GALNTL6: variants seen among roughly 807,000 people sequenced by gnomAD.
GALNTL6 encodes polypeptide N-acetylgalactosaminyltransferase like 6, also known as polypeptide N-acetylgalactosaminyltransferase-like 6.
A neutral mutation model predicts 73.7 loss-of-function variants in GALNTL6; 46 were observed. That is an observed-to-expected ratio of 0.62 (90% CI 0.49 to 0.80). The LOEUF is 0.80. Ranked by LOEUF, GALNTL6 falls within the 30% of genes least tolerant of loss-of-function variation. The pLI is 0.00. For synonymous variants in GALNTL6, 259 were observed against 263.7 expected (o/e 0.98, Z 0.17); for missense variants, 604 against 755.0 (o/e 0.80, Z 2.34).
At chr4:172,224,774 C>A (rs1245133106) in intron 2 of GALNTL6, among the ~76,000 whole-genome samples, 1 of 152,092 alleles carries the variant, frequency 6.6e-6, no homozygotes, top group Non-Finnish European at 1.5e-5. Context: ...GTGTCACATC[C>A]CTGACTCCAA....
At chr4:172,337,261 C>G (rs1281865107) in intron 4 of GALNTL6, among the ~76,000 whole-genome samples, 1 of 151,892 alleles carries the variant, frequency 6.6e-6, no homozygotes. Context: ...GACCATGTAC[C>G]TTCAAGGTTA....
intron 8 of GALNTL6, among the ~76,000 whole-genome samples, chr4:172,917,504 C>G (rs1448447025): frequency 6.6e-6 from 1 of 152,052 alleles, no homozygotes; most frequent in Non-Finnish European, 1.5e-5. Flanking sequence ...ACTCATCTGA[C>G]AAAGGGTTAA....
At chr4:172,736,888 G>A (rs1736500658) in intron 5 of GALNTL6, among the ~76,000 whole-genome samples, 1 of 152,092 alleles carries the variant, frequency 6.6e-6, no homozygotes, top group African/African-American at 2.4e-5. Context: ...ATATCTGATG[G>A]TTTTATAAAG....
intron 5 of GALNTL6, among the ~76,000 whole-genome samples, chr4:172,548,377 A>G (rs753844926): frequency 1.4e-4 from 21 of 152,200 alleles, no homozygotes; most frequent in Non-Finnish European, 2.8e-4. Context: ...ATTAGGGGAC[A>G]AGTCACTTGT....
chr4:172,048,887 T>G (rs1742291199), intron 2 of GALNTL6, among the ~76,000 whole-genome samples: 1 of 152,156 alleles, frequency 6.6e-6, no homozygotes. Flanking sequence ...GGCTGGAAAT[T>G]TGTATGCTTA....
chr4:172,542,788 A>T (rs1735610844), intron 5 of GALNTL6, among the ~76,000 whole-genome samples: 1 of 152,110 alleles, frequency 6.6e-6, no homozygotes, highest in South Asian at 2.1e-4. Context: ...TTTTCCACAA[A>T]GGTAGAAAGA....
intron 3 of GALNTL6, among the ~76,000 whole-genome samples, chr4:172,240,481 T>TTGGC (rs1417491291): frequency 8.7e-4 from 133 of 152,208 alleles, no homozygotes; most frequent in Non-Finnish European, 1.5e-3. Flanking sequence ...TCCACCCACC[T>TTGGC]CAACATCCCA....
chr4:172,421,498 G>A (rs1731051772), intron 5 of GALNTL6, among the ~76,000 whole-genome samples: 2 of 150,988 alleles, frequency 1.3e-5, no homozygotes, highest in South Asian at 2.1e-4. Flanking sequence ...GAAAAATAAG[G>A]GAGATAAAAT....
intron 7 of GALNTL6, among the ~76,000 whole-genome samples, chr4:172,837,861 A>G (rs1742995822): frequency 6.6e-6 from 1 of 152,232 alleles, no homozygotes; most frequent in South Asian, 2.1e-4. Flanking sequence ...AACTCATAAT[A>G]ATAAAAAGCA....
chr4:171,957,546 A>G (rs1739087208), intron 2 of GALNTL6, among the ~76,000 whole-genome samples: 1 of 152,228 alleles, frequency 6.6e-6, no homozygotes. Context: ...AAATGCGTGG[A>G]GGAACAGTAT....
At chr4:172,671,415 T>C (rs1490881275) in intron 5 of GALNTL6, among the ~76,000 whole-genome samples, 2 of 152,120 alleles carry the variant, frequency 1.3e-5, no homozygotes, top group Non-Finnish European at 2.9e-5. Flanking sequence ...TGTGTGTTTG[T>C]GTGGCAACTG....
chr4:172,492,290 A>G (rs1733924966), intron 5 of GALNTL6, among the ~76,000 whole-genome samples: 1 of 152,166 alleles, frequency 6.6e-6, no homozygotes, highest in South Asian at 2.1e-4. Flanking sequence ...TGTTCAATAA[A>G]ACCAATGAGA....
intron 5 of GALNTL6, among the ~76,000 whole-genome samples, chr4:172,465,076 C>T (rs1228377780): frequency 6.6e-6 from 1 of 152,166 alleles, no homozygotes; most frequent in Non-Finnish European, 1.5e-5. Context: ...ATGATTAATG[C>T]AATCTTTGAC....
intron 2 of GALNTL6, among the ~76,000 whole-genome samples, chr4:171,960,535 C>T (rs1031647779): frequency 1.3e-5 from 2 of 152,012 alleles, no homozygotes; most frequent in Admixed American, 6.6e-5. Context: ...CCACCTCAGC[C>T]TCCCAAAGTG....
chr4:171,952,878 A>C (rs1273353785), intron 2 of GALNTL6, among the ~76,000 whole-genome samples: 3 of 152,154 alleles, frequency 2.0e-5, no homozygotes, highest in Non-Finnish European at 4.4e-5. Context: ...CTTGAAAAGA[A>C]AGGAAAAGAG....
chr4:172,638,298 G>A (rs1205814452), intron 5 of GALNTL6, among the ~76,000 whole-genome samples: 4 of 152,104 alleles, frequency 2.6e-5, no homozygotes, highest in African/African-American at 9.7e-5. Flanking sequence ...GATCTTAACT[G>A]GTTGTGGTCA....
At chr4:172,023,940 A>AT (rs938643521) in intron 2 of GALNTL6, among the ~76,000 whole-genome samples, 10 of 151,824 alleles carry the variant, frequency 6.6e-5, no homozygotes, top group Non-Finnish European at 1.3e-4. Context: ...ATTCCAAAGC[A>AT]TTTTTTGTTC....
intron 5 of GALNTL6, among the ~76,000 whole-genome samples, chr4:172,792,913 A>G (rs1425493332): frequency 6.6e-6 from 1 of 151,922 alleles, no homozygotes; most frequent in Non-Finnish European, 1.5e-5. Flanking sequence ...CCCTTTCAGA[A>G]TTTTGTATGT....
intron 2 of GALNTL6, among the ~76,000 whole-genome samples, chr4:172,164,405 G>A (rs1458123879): frequency 6.6e-6 from 1 of 151,730 alleles, no homozygotes; most frequent in Non-Finnish European, 1.5e-5. Context: ...ATTTTCATTA[G>A]GATGTATTTT....
Sources: allele counts gnomAD v4.1 joint callset (sites outside exome capture counted in the v4.1 genomes callset), GRCh38; gene constraint gnomAD v4.1.1; transcripts MANE v1.5; gene names NCBI Gene and HGNC (gene_info 2026-07-23, HGNC 2026-07-21).